The following SETD7 variants were observed in gnomAD, a reference collection of about 807,000 sequenced individuals.
SETD7 encodes the protein SET domain containing 7, histone lysine methyltransferase.
A neutral mutation model predicts 41.8 loss-of-function variants in SETD7; 16 were observed. The ratio of observed to expected loss-of-function variants is 0.38; its 90% confidence interval spans 0.26 to 0.58. SETD7 has a LOEUF of 0.58. Ranked by LOEUF, SETD7 falls within the 20% of genes least tolerant of loss-of-function variation. SETD7 has a pLI of 0.64. For synonymous variants in SETD7, 163 were observed against 169.7 expected, an observed-to-expected ratio of 0.96 and a Z score of 0.31; for missense variants, 346 against 459.7, an observed-to-expected ratio of 0.75 and a Z score of 2.26.
intron 7 of SETD7, among the ~76,000 whole-genome samples, chr4:139,498,779 C>T (rs1168010677): frequency 1.3e-5 from 2 of 152,140 alleles, no homozygotes; most frequent in Non-Finnish European, 2.9e-5. Flanking sequence ...AGCCATAAAA[C>T]CTAAAAATAT....
chr4:139,527,544 T>G (rs1042241720), intron 4 of SETD7, among the ~76,000 whole-genome samples: 8 of 151,932 alleles, frequency 5.3e-5, no homozygotes, highest in East Asian at 1.9e-4. Context: ...GGCAACAGAG[T>G]GAAATCCTGT....
chr4:139,542,251 G>A (rs376145520), intron 2 of SETD7, among the ~76,000 whole-genome samples: 4 of 152,350 alleles, frequency 2.6e-5, no homozygotes, highest in African/African-American at 9.6e-5. Flanking sequence ...TAGAAGGCAG[G>A]AGGGAAGGAT....
At chr4:139,519,510 T>C (rs1185481738) in intron 6 of SETD7, among the ~76,000 whole-genome samples, 1 of 152,262 alleles carries the variant, frequency 6.6e-6, no homozygotes. Flanking sequence ...CAGACCATAG[T>C]GCAGTTTGAA....
In SETD7 at chr4:139,511,588, G is replaced by C. The variant is rs1404613921; in HGVS notation, c.*75C>G. 4 of 1,599,616 alleles carry C rather than the reference G, an allele frequency of 2.5e-6. No homozygotes were observed. The highest frequency in any genetic ancestry group is 3.4e-6 in the Non-Finnish European group (4 of 1,176,900). The stretch of plus-strand genomic sequence containing the variant: ...GTCACAGCATGAGCAGTCCCTGGTT[G>C]TCCCATTGTCAGATAAACGTAGTGC... On this transcript the variant is annotated 3_prime_UTR_variant, in exon 8 of 8. Transcript: ENST00000274031.
At chr4:139,512,696 T>TTA (rs1296913829) in intron 7 of SETD7, among the ~76,000 whole-genome samples, 1 of 152,092 alleles carries the variant, frequency 6.6e-6, no homozygotes, top group East Asian at 1.9e-4. Flanking sequence ...AGCTTTATTT[T>TTA]TATATGCATC....
chr4:139,525,360 T>C (rs1727296632), intron 4 of SETD7, among the ~76,000 whole-genome samples: 1 of 152,230 alleles, frequency 6.6e-6, no homozygotes. Context: ...GCCTTAGACA[T>C]GCCCAGGCTG....
chr4:139,543,798 C>CA (rs1182628309), intron 2 of SETD7, among the ~76,000 whole-genome samples: 9,431 of 119,860 alleles, frequency 0.079, 786 homozygotes, highest in African/African-American at 0.21. Flanking sequence ...TAAAAAAATA[C>CA]AAAAAAAAAA....
intron 4 of SETD7, among the ~76,000 whole-genome samples, chr4:139,524,624 C>A (rs939817257): frequency 6.6e-6 from 1 of 152,154 alleles, no homozygotes; most frequent in Non-Finnish European, 1.5e-5. Flanking sequence ...TTGTCCCCAG[C>A]CAGCCAGTGG....
At chr4:139,496,605 A>T in intron 7 of SETD7, 1 of 629,906 alleles carries the variant, frequency 1.6e-6, no homozygotes, top group Non-Finnish European at 2.8e-6. Context: ...CTGAAAAGCC[A>T]GAAAGGAGAC....
intron 6 of SETD7, among the ~76,000 whole-genome samples, chr4:139,519,811 T>A (rs745853202): frequency 6.6e-6 from 1 of 152,244 alleles, no homozygotes; most frequent in South Asian, 2.1e-4. Flanking sequence ...CTTTGACATA[T>A]ATCAAAGATT....
At chr4:139,505,808 G>A (rs1173439772), downstream of SETD7, among the ~76,000 whole-genome samples, 1 of 152,082 alleles carries the variant, frequency 6.6e-6, no homozygotes, top group Non-Finnish European at 1.5e-5. Flanking sequence ...TATTCAATCC[G>A]ACACTTTCTG....
chr4:139,494,907 G>A (rs952984948), downstream of SETD7, among the ~76,000 whole-genome samples: 4 of 152,220 alleles, frequency 2.6e-5, no homozygotes, highest in African/African-American at 9.6e-5. Context: ...TTTTTAATGA[G>A]CTGGGGAATG....
At chr4:139,528,839 C>T (rs1317437147) in intron 4 of SETD7, among the ~76,000 whole-genome samples, 192 bp downstream of exon 4, 1 of 152,218 alleles carries the variant, frequency 6.6e-6, no homozygotes, top group Non-Finnish European at 1.5e-5. Flanking sequence ...TGGAGTACAG[C>T]TGCTCGGCAG....
Position 139,555,516 on chromosome 4 carries a change from C to T in SETD7, c.40+582G>A, listed in dbSNP as rs1174696084. 6.6e-6 allele frequency among the ~76,000 whole-genome samples: 1 copy of T among 152,126 alleles called. No individual in the cohort carries two copies. Among genetic ancestry groups the T allele is most frequent in the African/African-American group, 2.4e-5 (1 of 41,438 alleles). Reference sequence around the variant, plus strand: ...CCCGGGTCGGGAGACTTGTCCGTCGCCCGACAATGATTTCATCTTTTCGGA... The same window carrying T: ...CCCGGGTCGGGAGACTTGTCCGTCGTCCGACAATGATTTCATCTTTTCGGA... On this transcript the variant is annotated intron_variant, in intron 1 of 7. Coordinates refer to ENST00000274031, the MANE Select transcript of SETD7 (RefSeq NM_030648.4). This position sits in a 1 kb window ranked among gnomAD's most constrained non-coding sequence, Gnocchi z 4.0.
At chr4:139,516,673 A>T (rs79554990) in intron 7 of SETD7, among the ~76,000 whole-genome samples, 5,752 of 150,460 alleles carry the variant, frequency 0.038, 276 homozygotes, top group African/African-American at 0.11. Context: ...TTGATTTTTT[A>T]AAAAAAAACA....
chr4:139,515,561 T>C (rs778053931), intron 7 of SETD7, among the ~76,000 whole-genome samples: 7 of 152,254 alleles, frequency 4.6e-5, no homozygotes, highest in Non-Finnish European at 1.0e-4. Context: ...TGTGTGCAGC[T>C]TGGAATGACA....
chr4:139,546,418 G>A (rs965636859), intron 2 of SETD7: 9 of 218,576 alleles, frequency 4.1e-5, no homozygotes, highest in Admixed American at 3.9e-4. Flanking sequence ...AACCAACAAG[G>A]TGGCAGAATC....
chr4:139,495,624 C>T (rs1284928517), downstream of SETD7, among the ~76,000 whole-genome samples: 1 of 152,150 alleles, frequency 6.6e-6, no homozygotes, highest in Non-Finnish European at 1.5e-5. Flanking sequence ...AGAACTCCCT[C>T]AATATCATGA....
At position 139,509,637 on chromosome 4, in the gene SETD7, A is replaced by G; in HGVS notation, c.*2026T>C. 1.1e-6 allele frequency: 1 copy of G among 941,244 alleles called. No individual in the cohort carries two copies. Among genetic ancestry groups the G allele is most frequent in the Non-Finnish European group, 1.3e-6 (1 of 789,744 alleles). The allele number at this position is 941,244 out of a possible 1,614,324, so 58.3% of individuals were successfully genotyped here. A position where few individuals can be genotyped will look rare whatever the true frequency, so the allele number is the denominator to read the frequency against. ...CAACCCACTTGATCGAGGTTAATGC[A>G]AGCCATCTTTCTCCTGAAGACAGTC... is the stretch of plus-strand genomic sequence containing the variant. On this transcript the variant is annotated 3_prime_UTR_variant, in exon 8 of 8. Coordinates refer to ENST00000274031, the MANE Select transcript of SETD7 (RefSeq NM_030648.4).
Sources: gnomAD v4.1 joint callset for allele counts (sites outside exome capture counted in the v4.1 genomes callset) on GRCh38, gnomAD v4.1.1 for gene constraint, Gnocchi (gnomAD v3.1) non-coding constraint, MANE v1.5 for transcripts, NCBI Gene and HGNC (gene_info 2026-07-23, HGNC 2026-07-21) for gene names.